The following TMEM132D variants were observed in gnomAD, a reference collection of about 807,000 sequenced individuals.
The protein encoded by TMEM132D is mature OL transmembrane protein.
Under a neutral mutation model 62.3 loss-of-function variants are expected in TMEM132D, and 21 were observed. The ratio of observed to expected loss-of-function variants is 0.34; its 90% CI spans 0.24 to 0.49. TMEM132D has a LOEUF of 0.49. Among genes scored for constraint, TMEM132D ranks in the 20% least tolerant of loss-of-function variants. The probability of loss-of-function intolerance (pLI) is 0.99; values close to 1 mark genes in which losing one functional copy is unlikely to be tolerated. For missense variants in TMEM132D, 1,346 were observed against 1,402.8 expected, an observed-to-expected ratio of 0.96 and a Z score of 0.65; for synonymous variants, 621 against 575.6, an observed-to-expected ratio of 1.08 and a Z score of -1.13.
chr12:129,472,484 C>T (rs563047333), intron 3 of TMEM132D, among the ~76,000 whole-genome samples: 4 of 151,988 alleles, frequency 2.6e-5, no homozygotes, highest in Non-Finnish European at 4.4e-5. Flanking sequence ...CTAATGCATG[C>T]GGGGCTTAAA....
chr12:129,471,646 C>T (rs930051093), intron 3 of TMEM132D, among the ~76,000 whole-genome samples: 1 of 152,170 alleles, frequency 6.6e-6, no homozygotes, highest in African/African-American at 2.4e-5. Flanking sequence ...AATGATTAAC[C>T]TTCATGAGGA....
intron 1 of TMEM132D, among the ~76,000 whole-genome samples, chr12:129,738,351 G>C (rs1475501188): frequency 6.6e-6 from 1 of 151,538 alleles, no homozygotes; most frequent in Non-Finnish European, 1.5e-5. Flanking sequence ...CGAAAGAAAC[G>C]GAGAAGAAAA....
chr12:129,183,369 C>G (rs1336247015), intron 5 of TMEM132D, among the ~76,000 whole-genome samples: 1 of 152,216 alleles, frequency 6.6e-6, no homozygotes. Flanking sequence ...TCATTATCTT[C>G]TGCCTATGGT....
chr12:129,736,661 A>G (rs1869435329), intron 1 of TMEM132D, among the ~76,000 whole-genome samples: 2 of 152,176 alleles, frequency 1.3e-5, no homozygotes, highest in Admixed American at 6.6e-5. Context: ...TAAGAGAAAA[A>G]TGTTCTAGGA....
At chr12:129,789,025 T>G (rs1473412919) in intron 1 of TMEM132D, among the ~76,000 whole-genome samples, 4 of 152,188 alleles carry the variant, frequency 2.6e-5, no homozygotes, top group African/African-American at 7.2e-5. Flanking sequence ...CTAAACCCCG[T>G]GGTTGCAAAT....
chr12:129,342,729 G>GA (rs981489042), intron 3 of TMEM132D, among the ~76,000 whole-genome samples: 10 of 151,942 alleles, frequency 6.6e-5, no homozygotes, highest in Non-Finnish European at 1.3e-4. Context: ...AAACTTACAA[G>GA]AAAAAAACAA....
intron 4 of TMEM132D, among the ~76,000 whole-genome samples, chr12:129,264,961 C>T (rs1443614265): frequency 6.6e-6 from 1 of 152,144 alleles, no homozygotes; most frequent in Non-Finnish European, 1.5e-5. Context: ...AGATATGGTG[C>T]AGTGTATGCT....
chr12:129,369,360 T>C (rs1318773965), intron 3 of TMEM132D, among the ~76,000 whole-genome samples: 1 of 97,786 alleles, frequency 1.0e-5, no homozygotes, highest in Non-Finnish European at 2.2e-5. Context: ...TATCTGTTCC[T>C]CATGCTGCTT....
chr12:129,861,879 T>G (rs547040894), intron 1 of TMEM132D, among the ~76,000 whole-genome samples: 1 of 152,216 alleles, frequency 6.6e-6, no homozygotes, highest in South Asian at 2.1e-4. Context: ...TGAGATGTCC[T>G]TTCAGGCTTT....
intron 2 of TMEM132D, among the ~76,000 whole-genome samples, chr12:129,655,579 G>A (rs1434091299): frequency 6.6e-6 from 1 of 151,838 alleles, no homozygotes; most frequent in East Asian, 1.9e-4. Context: ...CCTTCGTGGG[G>A]GCGTTGCAGG....
intron 5 of TMEM132D, among the ~76,000 whole-genome samples, chr12:129,103,135 T>C (rs1875370148): frequency 6.6e-6 from 1 of 152,200 alleles, no homozygotes; most frequent in Admixed American, 6.5e-5. Context: ...GCTGTTTTCT[T>C]GTAGGCTCTT....
At chr12:129,183,005 T>C (rs1878110744) in intron 5 of TMEM132D, among the ~76,000 whole-genome samples, 1 of 152,132 alleles carries the variant, frequency 6.6e-6, no homozygotes, top group African/African-American at 2.4e-5. Context: ...TCTCTCTCTC[T>C]TTGGGGCTAA....
chr12:129,636,698 A>ATGTGTGTGTGTG (rs542826978), intron 2 of TMEM132D, among the ~76,000 whole-genome samples: 4,897 of 107,568 alleles, frequency 0.046, 224 homozygotes, highest in Non-Finnish European at 0.068. Context: ...TCATACAGAA[A>ATGTGTGTGTGTG]TGTGTGTGTG....
At chr12:129,717,094 GT>G (rs1345557833) in intron 1 of TMEM132D, among the ~76,000 whole-genome samples, 2 of 152,168 alleles carry the variant, frequency 1.3e-5, no homozygotes, top group Non-Finnish European at 2.9e-5. Flanking sequence ...TGACCAGAAT[GT>G]AGACTGGCCC....
intron 7 of TMEM132D, among the ~76,000 whole-genome samples, chr12:129,079,327 G>A (rs369378355): frequency 6.6e-6 from 1 of 152,134 alleles, no homozygotes; most frequent in Non-Finnish European, 1.5e-5. Flanking sequence ...ATATCGTTGG[G>A]CATATTCTGA....
At chr12:129,747,569 G>GACAC (rs142743881) in intron 1 of TMEM132D, among the ~76,000 whole-genome samples, 1 of 144,270 alleles carries the variant, frequency 6.9e-6, no homozygotes, top group Non-Finnish European at 1.5e-5. Context: ...CACACTTTCA[G>GACAC]ACACACACAC....
intron 2 of TMEM132D, among the ~76,000 whole-genome samples, chr12:129,644,738 G>A (rs1303996142): frequency 3.3e-5 from 5 of 151,736 alleles, no homozygotes; most frequent in African/African-American, 1.2e-4. Context: ...CAGCACTTTG[G>A]GAGGCCGAGG....
chr12:129,345,383 G>T (rs1004431205), intron 3 of TMEM132D, among the ~76,000 whole-genome samples: 5 of 152,076 alleles, frequency 3.3e-5, no homozygotes, highest in African/African-American at 1.2e-4. Context: ...TTCCTTCATG[G>T]GAACCACAGC....
At chr12:129,600,755 G>C (rs913480108) in intron 2 of TMEM132D, among the ~76,000 whole-genome samples, 3 of 152,310 alleles carry the variant, frequency 2.0e-5, no homozygotes, top group South Asian at 2.1e-4. Flanking sequence ...CTGAGCAACA[G>C]ATCTCAACAG....
Sources: gnomAD v4.1 joint callset for allele counts (sites outside exome capture counted in the v4.1 genomes callset) on GRCh38, gnomAD v4.1.1 for gene constraint, MANE v1.5 for transcripts, NCBI Gene and HGNC (gene_info 2026-07-23, HGNC 2026-07-21) for gene names.